The following C13orf46 variants were observed in gnomAD, a reference collection of about 807,000 sequenced individuals.
C13orf46 encodes the protein chromosome 13 open reading frame 46, also known as uncharacterized protein C13orf46.
At chr13:113,945,922 T>C in the C13orf46 span, among the ~76,000 whole-genome samples, 1 of 152,022 alleles carries the variant, frequency 6.6e-6, no homozygotes, top group East Asian at 1.9e-4. Flanking sequence ...ATGTTTAGAG[T>C]CCAGTGCTCT....
the C13orf46 span, among the ~76,000 whole-genome samples, chr13:113,931,971 T>A: frequency 1.3e-5 from 2 of 152,008 alleles, no homozygotes; most frequent in East Asian, 3.9e-4. Context: ...CCTGCTCCTC[T>A]GATGACACTG....
At chr13:113,949,156 T>C (rs1217639399), downstream of C13orf46, among the ~76,000 whole-genome samples, 2 of 152,210 alleles carry the variant, frequency 1.3e-5, no homozygotes, top group African/African-American at 4.8e-5. Flanking sequence ...GGCATCAGGG[T>C]TGGGGAGCCC....
chr13:113,965,601 G>A (rs1488911524), intron 5 of C13orf46, among the ~76,000 whole-genome samples: 6 of 152,060 alleles, frequency 3.9e-5, no homozygotes, highest in Admixed American at 6.6e-5. Flanking sequence ...TGATGATGAC[G>A]GTGACTATAC....
chr13:113,941,691 G>A, the C13orf46 span, among the ~76,000 whole-genome samples: 11 of 152,292 alleles, frequency 7.2e-5, no homozygotes, highest in Admixed American at 3.9e-4. Flanking sequence ...TTCCAGCCTC[G>A]CAGGTGGCCT....
At chr13:113,935,342 T>G in the C13orf46 span, among the ~76,000 whole-genome samples, 3 of 152,242 alleles carry the variant, frequency 2.0e-5, no homozygotes, top group Non-Finnish European at 4.4e-5. Context: ...CCCTGACCGC[T>G]GCTTCTCCAG....
At chr13:113,972,096 A>G (rs1382896314) in intron 1 of C13orf46, among the ~76,000 whole-genome samples, 3 of 152,062 alleles carry the variant, frequency 2.0e-5, no homozygotes, top group African/African-American at 7.2e-5. Context: ...TGTTGAGGGA[A>G]ATGTCAGCCA....
the C13orf46 span, among the ~76,000 whole-genome samples, chr13:113,933,982 G>A: frequency 5.9e-5 from 9 of 152,198 alleles, no homozygotes; most frequent in Non-Finnish European, 1.0e-4. Flanking sequence ...ATGTGTGGCC[G>A]CATATGTGGA....
At position 113,967,385 on chromosome 13, in the gene C13orf46, C is replaced by CT. The variant is rs1381108678; in HGVS notation, c.459dup (p.Ala154SerfsTer8). 1.3e-5 allele frequency: 2 copies of CT among 152,244 alleles called. No homozygotes were observed. The highest frequency in any genetic ancestry group is 2.4e-5 in the African/African-American group (1 of 41,458). 9.4% of individuals were successfully genotyped at this position (152,244 alleles called of 1,614,324 possible). ...AGATCAATCTCCACAAACACAGATG[C>CT]TTTCTGCGAATGGAAACCACAGAGG... On this transcript the variant is annotated frameshift_variant, in exon 5 of 7. Transcript: ENST00000636427. LOFTEE classifies it high-confidence loss of function.
intron 1 of C13orf46, among the ~76,000 whole-genome samples, chr13:113,970,908 A>G (rs1368203374): frequency 6.6e-6 from 1 of 152,076 alleles, no homozygotes; most frequent in Non-Finnish European, 1.5e-5. Flanking sequence ...ACCGGCTTGC[A>G]CCGAGCACAC....
At chr13:113,948,492 C>T in the C13orf46 span, among the ~76,000 whole-genome samples, 8 of 152,216 alleles carry the variant, frequency 5.3e-5, no homozygotes, top group Non-Finnish European at 1.0e-4. Context: ...CCGAAGCCCA[C>T]TGGGAACTGG....
intron 2 of C13orf46, among the ~76,000 whole-genome samples, chr13:113,969,465 C>T (rs1278224681): frequency 2.6e-5 from 4 of 152,236 alleles, no homozygotes; most frequent in East Asian, 3.9e-4. Context: ...GTCTAACACA[C>T]GAACACTCAC....
chr13:113,939,473 C>A, the C13orf46 span, among the ~76,000 whole-genome samples: 1 of 151,738 alleles, frequency 6.6e-6, no homozygotes, highest in Non-Finnish European at 1.5e-5. Context: ...GCCACCTGGA[C>A]GGGGGGAACG....
downstream of C13orf46, among the ~76,000 whole-genome samples, chr13:113,953,303 G>C (rs2052496906): frequency 6.6e-6 from 1 of 152,212 alleles, no homozygotes; most frequent in East Asian, 1.9e-4. Flanking sequence ...AGGAAGGTGT[G>C]AGCCAGGCCT....
chr13:113,964,599 C>T (rs1035145007), intron 6 of C13orf46, among the ~76,000 whole-genome samples: 8 of 152,232 alleles, frequency 5.3e-5, no homozygotes, highest in East Asian at 3.8e-4. Flanking sequence ...ACCTCTCCCC[C>T]CTCCTTCCTC....
chr13:113,932,676 CTT>C, the C13orf46 span, among the ~76,000 whole-genome samples: 4 of 152,172 alleles, frequency 2.6e-5, no homozygotes, highest in South Asian at 8.3e-4. Context: ...CAGCTTGCCT[CTT>C]TATAGTGTCT....
chr13:113,932,810 TATC>T, the C13orf46 span, among the ~76,000 whole-genome samples: 2 of 152,226 alleles, frequency 1.3e-5, no homozygotes, highest in Non-Finnish European at 2.9e-5. Flanking sequence ...GATTTTATCT[TATC>T]TTCTTCTTAC....
chr13:113,967,033 A>C (rs2052656867), intron 5 of C13orf46, among the ~76,000 whole-genome samples: 1 of 152,172 alleles, frequency 6.6e-6, no homozygotes, highest in Non-Finnish European at 1.5e-5. Context: ...CACCATCCCA[A>C]CGTGATCCCC....
chr13:113,937,452 G>A, the C13orf46 span, among the ~76,000 whole-genome samples: 2 of 152,310 alleles, frequency 1.3e-5, no homozygotes, highest in South Asian at 4.1e-4. Context: ...TCCGAATCCA[G>A]ATGCAGCCAC....
chr13:113,973,499 C>T (rs1024316812), intron 1 of C13orf46, among the ~76,000 whole-genome samples: 2 of 152,204 alleles, frequency 1.3e-5, no homozygotes, highest in African/African-American at 4.8e-5. Context: ...GAATGCAGCC[C>T]TGTGTCTCCT....
Sources: allele counts gnomAD v4.1 joint callset (sites outside exome capture counted in the v4.1 genomes callset), GRCh38; gene constraint gnomAD v4.1.1; transcripts MANE v1.5; gene names NCBI Gene and HGNC (gene_info 2026-07-23, HGNC 2026-07-21).